Variants in LPAR1 observed in about 807,000 individuals in gnomAD.
LPAR1 encodes the protein lysophosphatidic acid receptor 1.
In LPAR1, 5 loss-of-function variants were observed where a neutral mutation model predicts 23.8. The observed-to-expected ratio is 0.21, with a 90% CI of 0.11 to 0.44. The LOEUF is 0.44. LPAR1 is among the 20% of genes least tolerant of loss of function. The pLI is 0.99. For synonymous variants in LPAR1, 160 were observed against 164.7 expected, an observed-to-expected ratio of 0.97 and a Z score of 0.22; for missense variants, 311 against 482.8, an observed-to-expected ratio of 0.64 and a Z score of 3.33.
rs2097083587 is a variant in LPAR1 at position 110,999,295 on chromosome 9, G to A, written c.-181-25737C>T. 4 of 431,886 alleles carry A rather than the reference G, an allele frequency of 9.3e-6. No homozygotes were observed. The Admixed American group carries it at 1.0e-4, about 11-fold the overall frequency. The allele number at this position is 431,886 out of a possible 1,614,324, so 26.8% of individuals were successfully genotyped here. ...ATATCTATTAAGTACAGTGCAGATG[G>A]AACTGAATTAAAAGCAACTGGTGTC... On this transcript the variant is annotated intron_variant, in intron 2 of 5. Transcript: ENST00000683809.
At chr9:111,025,537 G>A (rs923104325) in intron 2 of LPAR1, among the ~76,000 whole-genome samples, 1 of 152,176 alleles carries the variant, frequency 6.6e-6, no homozygotes, top group African/African-American at 2.4e-5. Flanking sequence ...CTGTGCAGAA[G>A]CTCTTTAGTT....
intron 2 of LPAR1, among the ~76,000 whole-genome samples, chr9:110,978,884 G>A (rs981284594): frequency 2.6e-5 from 4 of 152,192 alleles, no homozygotes; most frequent in Non-Finnish European, 5.9e-5. Context: ...CACAGAAGTA[G>A]AGAGCAAAGT....
At chr9:111,009,987 A>G (rs1189421977) in intron 2 of LPAR1, among the ~76,000 whole-genome samples, 17 of 143,140 alleles carry the variant, frequency 1.2e-4, no homozygotes, top group African/African-American at 4.4e-4. Flanking sequence ...TTCTCATTTC[A>G]TAATTAGGAA....
chr9:110,981,973 A>C (rs1226327854), intron 2 of LPAR1, among the ~76,000 whole-genome samples: 1 of 152,184 alleles, frequency 6.6e-6, no homozygotes, highest in African/African-American at 2.4e-5. Flanking sequence ...GTCAGGAATC[A>C]ACAGATGCTG....
At chr9:110,930,192 C>T (rs940235025) in intron 5 of LPAR1, among the ~76,000 whole-genome samples, 1 of 152,174 alleles carries the variant, frequency 6.6e-6, no homozygotes, top group Admixed American at 6.5e-5. Context: ...CCTTCTTCTT[C>T]TCCATAGGAT....
intron 5 of LPAR1, among the ~76,000 whole-genome samples, chr9:110,901,861 A>AT (rs1253506852): frequency 2.0e-5 from 3 of 152,112 alleles, no homozygotes; most frequent in African/African-American, 7.2e-5. Context: ...AACTAAATTC[A>AT]TTTTTTCTAT....
intron 5 of LPAR1, among the ~76,000 whole-genome samples, chr9:110,922,373 G>A (rs1005942276): frequency 1.3e-5 from 2 of 152,104 alleles, no homozygotes; most frequent in African/African-American, 4.8e-5. Context: ...TATGATATCT[G>A]CTATAATAAA....
chr9:110,883,543 C>T (rs543419474), intron 5 of LPAR1, among the ~76,000 whole-genome samples: 134 of 152,188 alleles, frequency 8.8e-4, no homozygotes, highest in African/African-American at 3.1e-3. Flanking sequence ...AATGCACACA[C>T]GTAAATAGAA....
chr9:110,883,154 C>T (rs1045410537), intron 5 of LPAR1, among the ~76,000 whole-genome samples: 8 of 152,242 alleles, frequency 5.3e-5, no homozygotes, highest in Admixed American at 5.2e-4. Flanking sequence ...ATTCCCTTGC[C>T]TCAGTCTCCT....
intron 5 of LPAR1, among the ~76,000 whole-genome samples, chr9:110,895,287 A>G (rs186923070): frequency 2.7e-4 from 41 of 152,322 alleles, no homozygotes; most frequent in Non-Finnish European, 5.9e-5. Flanking sequence ...CACTCTGAGC[A>G]TGCTCAGAGT....
At chr9:110,936,359 A>C (rs1588422641) in intron 5 of LPAR1, among the ~76,000 whole-genome samples, 1 of 151,950 alleles carries the variant, frequency 6.6e-6, no homozygotes, top group Non-Finnish European at 1.5e-5. Flanking sequence ...AACTTATCTG[A>C]CTCCTGCCAC....
Position 110,875,711 on chromosome 9 carries a change from T to C in LPAR1, c.805A>G (p.Ile269Val), listed in dbSNP as rs1262740434. ...TVVIVLGAFI[I>V]CWTPGLVLLL... The stretch of plus-strand genomic sequence containing the variant: ...AAAACCAATCCAGGAGTCCAGCAGA[T>C]GATAAAGGCCCCTACAAGGACAAGG... Residue 269 changes from isoleucine to valine, a missense_variant, in exon 6 of 6, where the codon ATC (isoleucine) becomes GTC (valine). Ile to Val is a conservative substitution (Grantham distance 29, BLOSUM62 3). Around this residue, in one of 2 missense-constraint regions of LPAR1, gnomAD observed 250 missense variants for 427.2 expected, o/e 0.59. Transcript: ENST00000683809. 3 of 1,596,214 alleles carry C rather than the reference T, an allele frequency of 1.9e-6. No individual in the cohort carries two copies. The highest frequency in any genetic ancestry group is 2.7e-5 in the African/African-American group (2 of 74,508).
intron 2 of LPAR1, among the ~76,000 whole-genome samples, chr9:110,985,246 G>C (rs2096756007): frequency 6.6e-6 from 1 of 152,064 alleles, no homozygotes; most frequent in African/African-American, 2.4e-5. Flanking sequence ...TCCTCTCTCT[G>C]TGGCTACTTT....
intron 2 of LPAR1, among the ~76,000 whole-genome samples, chr9:110,985,022 A>G (rs1305751283): frequency 6.6e-6 from 1 of 152,056 alleles, no homozygotes; most frequent in African/African-American, 2.4e-5. Flanking sequence ...TGGCCATGCT[A>G]AACTTTTTAT....
chr9:110,886,283 GA>G (rs2082356277), intron 5 of LPAR1, among the ~76,000 whole-genome samples: 1 of 149,154 alleles, frequency 6.7e-6, no homozygotes, highest in South Asian at 2.1e-4. Context: ...AGAATCACTT[GA>G]ACCCGGGAGA....
chr9:111,023,077 A>C (rs1056823470), intron 2 of LPAR1, among the ~76,000 whole-genome samples: 11 of 143,392 alleles, frequency 7.7e-5, no homozygotes, highest in East Asian at 2.0e-4. Flanking sequence ...AAAAAAAAAA[A>C]CCCTGCTATT....
intron 2 of LPAR1, among the ~76,000 whole-genome samples, chr9:111,028,269 G>A (rs1439952525): frequency 6.6e-6 from 1 of 151,916 alleles, no homozygotes; most frequent in African/African-American, 2.4e-5. Flanking sequence ...TTTTAGTAGA[G>A]ACAGGGTTTT....
At chr9:110,911,091 G>A (rs925158959) in intron 5 of LPAR1, among the ~76,000 whole-genome samples, 1 of 152,170 alleles carries the variant, frequency 6.6e-6, no homozygotes, top group African/African-American at 2.4e-5. Context: ...AGTATCACAT[G>A]CTACTGAAAA....
chr9:110,911,002 T>G (rs1022417979), intron 5 of LPAR1, among the ~76,000 whole-genome samples: 2 of 152,210 alleles, frequency 1.3e-5, no homozygotes, highest in Admixed American at 1.3e-4. Context: ...TCAACTTAGT[T>G]GATAAAGCAG....
Sources: allele counts gnomAD v4.1 joint callset (sites outside exome capture counted in the v4.1 genomes callset), GRCh38; gene constraint gnomAD v4.1.1; regional missense constraint gnomAD v4.1.1; transcripts MANE v1.5; gene names NCBI Gene and HGNC (gene_info 2026-07-23, HGNC 2026-07-21).